The following STIM2 variants were observed in gnomAD, a reference collection of about 807,000 sequenced individuals.
The protein encoded by STIM2 is stromal interaction molecule 2.
Under a neutral mutation model 85.8 loss-of-function variants are expected in STIM2, and 31 were observed. The observed-to-expected ratio is 0.36, with a 90% CI of 0.27 to 0.49. STIM2 has a LOEUF of 0.49. Ranked by LOEUF, STIM2 falls within the 20% of genes least tolerant of loss-of-function variation. The pLI is 0.98. For missense variants in STIM2, 841 were observed against 927.6 expected, an observed-to-expected ratio of 0.91 and a Z score of 1.21; for synonymous variants, 356 against 331.1, an observed-to-expected ratio of 1.08 and a Z score of -0.82.
At chr4:26,976,382 CTTTTT>C (rs35434321) in intron 3 of STIM2, among the ~76,000 whole-genome samples, 2 of 116,946 alleles carry the variant, frequency 1.7e-5, no homozygotes, top group Non-Finnish European at 1.7e-5. Flanking sequence ...TCTTGGGAGT[CTTTTT>C]TTTTTTTTTT....
chr4:26,890,797 C>G (rs1723444446), intron 1 of STIM2, among the ~76,000 whole-genome samples: 1 of 145,116 alleles, frequency 6.9e-6, no homozygotes, highest in East Asian at 2.0e-4. Context: ...GCACTCCAGC[C>G]TGGGCGACAG....
rs889530146 is a variant in STIM2 at position 26,861,110 on chromosome 4, G to T, written c.-109G>T. ...CTCGCGGAGCCGGCGAGCTGCAGGC[G>T]GCCGGGGCGCCGCTGCGCTTTCACC... On this transcript the variant is annotated 5_prime_UTR_variant, in exon 1 of 12. Coordinates refer to ENST00000467087, the MANE Select transcript of STIM2 (RefSeq NM_020860.4). 3 of 1,202,708 alleles carry T rather than the reference G, an allele frequency of 2.5e-6. No individual in the cohort carries two copies. The highest frequency in any genetic ancestry group is 3.7e-5 in the South Asian group (1 of 26,758). 74.5% of individuals were successfully genotyped at this position (1,202,708 alleles called of 1,614,324 possible).
At position 27,003,116 on chromosome 4, in the gene STIM2, A is replaced by T. The variant is rs1728215346; in HGVS notation, c.981+12A>T. The T allele has an allele frequency of 1.6e-6, 2 of 1,270,662 alleles. No individual in the cohort carries two copies. Among genetic ancestry groups the T allele is most frequent in the Non-Finnish European group, 2.1e-6 (2 of 956,176 alleles). The allele number at this position is 1,270,662 out of a possible 1,614,324, so 78.7% of individuals were successfully genotyped here. A position where few individuals can be genotyped will look rare whatever the true frequency, so the allele number is the denominator to read the frequency against. ...AGGAATTGGAACAGGTATTTACATT[A>T]AAAAAAAAATCACTTGTAAAGATGT... On this transcript the variant is annotated intron_variant, in intron 7 of 11. Transcript: ENST00000467087.
At chr4:26,891,902 G>A (rs189473129) in intron 1 of STIM2, among the ~76,000 whole-genome samples, 14 of 152,256 alleles carry the variant, frequency 9.2e-5, no homozygotes, top group Admixed American at 2.0e-4. Context: ...CTCATCTTGC[G>A]GCTCCCATAA....
chr4:26,957,205 T>C (rs1210416112), intron 2 of STIM2, among the ~76,000 whole-genome samples: 1 of 152,186 alleles, frequency 6.6e-6, no homozygotes, highest in Non-Finnish European at 1.5e-5. Context: ...AATATATTGT[T>C]TAGGGAATAA....
At chr4:26,895,470 T>C (rs1354060563) in intron 1 of STIM2, among the ~76,000 whole-genome samples, 1 of 152,214 alleles carries the variant, frequency 6.6e-6, no homozygotes, top group Non-Finnish European at 1.5e-5. Flanking sequence ...TTTTTTTGCA[T>C]GTTAGGAAGC....
intron 2 of STIM2, among the ~76,000 whole-genome samples, chr4:26,946,292 A>T (rs1364270472): frequency 6.6e-6 from 1 of 152,238 alleles, no homozygotes; most frequent in Non-Finnish European, 1.5e-5. Context: ...CAGATATATT[A>T]AAAAATTGAC....
At chr4:26,893,067 C>T (rs982684845) in intron 1 of STIM2, among the ~76,000 whole-genome samples, 1 of 152,202 alleles carries the variant, frequency 6.6e-6, no homozygotes, top group African/African-American at 2.4e-5. Flanking sequence ...ATCACTACCC[C>T]TGCATCCTTC....
chr4:26,979,156 G>T (rs1727296432), intron 3 of STIM2, among the ~76,000 whole-genome samples: 1 of 151,978 alleles, frequency 6.6e-6, no homozygotes, highest in South Asian at 2.1e-4. Context: ...TTTTACTATT[G>T]CCTGGTACTT....
intron 3 of STIM2, among the ~76,000 whole-genome samples, chr4:26,988,537 C>A (rs1727660427): frequency 6.6e-6 from 1 of 152,138 alleles, no homozygotes; most frequent in Non-Finnish European, 1.5e-5. Flanking sequence ...ATTATTAGGA[C>A]CACTTAGCTT....
intron 3 of STIM2, among the ~76,000 whole-genome samples, chr4:26,975,479 T>A (rs1185871592): frequency 6.6e-6 from 1 of 152,234 alleles, no homozygotes; most frequent in African/African-American, 2.4e-5. Context: ...TTTGTTAGTT[T>A]TCTTTCTAAC....
chr4:27,002,166 G>A (rs745859452), intron 5 of STIM2, 51 bp from the exon 6 acceptor site: 2 of 1,505,334 alleles, frequency 1.3e-6, no homozygotes, highest in Non-Finnish European at 1.8e-6. Flanking sequence ...TTTGTATTGA[G>A]GTCCTGTCAT....
At chr4:27,008,550 T>C in intron 9 of STIM2, 22 bp downstream of exon 9, 1 of 1,504,922 alleles carries the variant, frequency 6.6e-7, no homozygotes, top group Non-Finnish European at 9.1e-7. Flanking sequence ...GTTTTCACTT[T>C]TATTTGATTT....
At chr4:26,916,928 G>T (rs539887935) in intron 1 of STIM2, among the ~76,000 whole-genome samples, 2 of 152,096 alleles carry the variant, frequency 1.3e-5, no homozygotes, top group Non-Finnish European at 2.9e-5. Flanking sequence ...TTTTGAGTAT[G>T]GATACTCTCT....
intron 2 of STIM2, among the ~76,000 whole-genome samples, chr4:26,943,653 A>G (rs1345838017): frequency 6.6e-6 from 1 of 152,020 alleles, no homozygotes; most frequent in Non-Finnish European, 1.5e-5. Context: ...ACCCCAATCC[A>G]AGTGCTAGCA....
intron 2 of STIM2, among the ~76,000 whole-genome samples, chr4:26,957,285 C>T (rs970971953): frequency 1.3e-5 from 2 of 151,978 alleles, no homozygotes; most frequent in Non-Finnish European, 2.9e-5. Flanking sequence ...ATTTTCAATC[C>T]CACGAATACT....
Position 26,997,380 on chromosome 4 carries a change from C to T in STIM2, c.510-1852C>T, listed in dbSNP as rs568938333. On this transcript the variant is annotated intron_variant, in intron 4 of 11. Transcript: ENST00000467087. ...GTTTTATGTTGGCTGTAGTGGTTAT[C>T]TTAAACCTTTCGCTGTGTTTTCTAT... 5.3e-5 allele frequency among the ~76,000 whole-genome samples: 8 copies of T among 152,232 alleles called. No individual in the cohort carries two copies. In the East Asian group the frequency reaches 1.5e-3, roughly 29 times the overall value.
chr4:27,005,925 G>T (rs981062462), intron 7 of STIM2, among the ~76,000 whole-genome samples: 11 of 152,212 alleles, frequency 7.2e-5, no homozygotes, highest in African/African-American at 2.7e-4. Context: ...TTCCTTGGAA[G>T]TGAAAATTGT....
At chr4:26,982,679 C>T (rs1727444618) in intron 3 of STIM2, among the ~76,000 whole-genome samples, 1 of 152,134 alleles carries the variant, frequency 6.6e-6, no homozygotes, top group Non-Finnish European at 1.5e-5. Flanking sequence ...TGTTTAGAAA[C>T]CAAGATTTGG....
Sources: gnomAD v4.1 joint callset for allele counts (sites outside exome capture counted in the v4.1 genomes callset) on GRCh38, gnomAD v4.1.1 for gene constraint, MANE v1.5 for transcripts, NCBI Gene and HGNC (gene_info 2026-07-23, HGNC 2026-07-21) for gene names.